MGAT4C: variants seen among roughly 807,000 people sequenced by gnomAD.
MGAT4C encodes the protein MGAT4 family member C.
Under a neutral mutation model 40.1 loss-of-function variants are expected in MGAT4C, and 19 were observed. That is an observed-to-expected ratio of 0.47 (90% CI 0.33 to 0.70). MGAT4C has a LOEUF of 0.70. Ranked by LOEUF, MGAT4C falls within the 30% of genes least tolerant of loss-of-function variation. MGAT4C has a pLI of 0.02. For missense variants in MGAT4C, 491 were observed against 563.2 expected (o/e 0.87, Z 1.30); for synonymous variants, 181 against 187.1 (o/e 0.97, Z 0.27).
intron 1 of MGAT4C, among the ~76,000 whole-genome samples, chr12:86,829,133 T>G (rs1481383327): frequency 6.6e-6 from 1 of 151,480 alleles, no homozygotes; most frequent in Non-Finnish European, 1.5e-5. Context: ...AAATCCCCAT[T>G]CTTAGTTTGC....
chr12:86,768,531 T>G (rs1951561042), intron 1 of MGAT4C, among the ~76,000 whole-genome samples: 1 of 151,692 alleles, frequency 6.6e-6, no homozygotes, highest in African/African-American at 2.4e-5. Context: ...AAAGTTCATA[T>G]GGAACCAAAA....
intron 1 of MGAT4C, among the ~76,000 whole-genome samples, chr12:86,181,875 C>T (rs935596982): frequency 1.3e-5 from 2 of 151,598 alleles, no homozygotes; most frequent in African/African-American, 4.8e-5. Context: ...ATTTTTAAAC[C>T]CTTCTGAACT....
At chr12:86,103,159 G>T (rs1433501160) in intron 1 of MGAT4C, among the ~76,000 whole-genome samples, 1 of 152,104 alleles carries the variant, frequency 6.6e-6, no homozygotes, top group Non-Finnish European at 1.5e-5. Context: ...CAGCTAGGGA[G>T]TTAAATCCCA....
chr12:86,112,175 G>T (rs1382650179), intron 1 of MGAT4C, among the ~76,000 whole-genome samples: 3 of 151,688 alleles, frequency 2.0e-5, no homozygotes, highest in African/African-American at 7.2e-5. Flanking sequence ...ATTGAAGTGA[G>T]ATTCAGGTTT....
At chr12:86,092,857 C>CT (rs764773082) in intron 1 of MGAT4C, among the ~76,000 whole-genome samples, 5 of 151,968 alleles carry the variant, frequency 3.3e-5, no homozygotes, top group East Asian at 1.9e-4. Context: ...CAATCACCCT[C>CT]TTTTTTTTAT....
At chr12:86,213,467 T>G (rs1566157046) in intron 1 of MGAT4C, among the ~76,000 whole-genome samples, 1 of 152,180 alleles carries the variant, frequency 6.6e-6, no homozygotes, top group African/African-American at 2.4e-5. Context: ...TTGAATAAAA[T>G]AGTTTTAAAC....
chr12:86,191,534 G>A (rs1889454699), intron 1 of MGAT4C, among the ~76,000 whole-genome samples: 1 of 150,812 alleles, frequency 6.6e-6, no homozygotes, highest in Non-Finnish European at 1.5e-5. Flanking sequence ...GACAAAGTGG[G>A]TACAGAAAAG....
intron 1 of MGAT4C, among the ~76,000 whole-genome samples, chr12:86,121,896 G>A (rs1442391645): frequency 1.3e-5 from 2 of 152,082 alleles, no homozygotes; most frequent in Non-Finnish European, 1.5e-5. Flanking sequence ...TTTCCCCCAA[G>A]GGTTATACAA....
At chr12:86,067,207 G>A (rs538557266) in intron 1 of MGAT4C, among the ~76,000 whole-genome samples, 5 of 151,910 alleles carry the variant, frequency 3.3e-5, no homozygotes, top group Non-Finnish European at 7.4e-5. Flanking sequence ...CTTATTACTG[G>A]GTATATACCC....
At chr12:86,517,858 C>A (rs1271441029) in intron 2 of MGAT4C, among the ~76,000 whole-genome samples, 1 of 152,134 alleles carries the variant, frequency 6.6e-6, no homozygotes, top group East Asian at 1.9e-4. Context: ...ACCGTATTAG[C>A]CAGATGGTCT....
rs34706902 is a variant in MGAT4C at position 86,796,143 on chromosome 12, GTTT to G, written c.-262+42520_-262+42522del. ...TAACCTTTAAGAATTTCTGTGACTT[GTTT>G]TTTTTTTTTCATGTCTGCTGTCTCA... On this transcript the variant is annotated intron_variant, in intron 1 of 7. Transcript: ENST00000548651. Among the ~76,000 whole-genome samples the G allele has an allele frequency of 6.2e-4, 89 of 143,522 alleles. 1 individual carries two copies. The highest frequency in any genetic ancestry group is 2.2e-3 in the African/African-American group (88 of 39,296). 94.2% of individuals were successfully genotyped at this position (143,522 alleles called of 152,430 possible). A position where few individuals can be genotyped will look rare whatever the true frequency, so the allele number is the denominator to read the frequency against.
At chr12:86,052,369 C>G (rs74405989) in intron 1 of MGAT4C, among the ~76,000 whole-genome samples, 3,663 of 151,590 alleles carry the variant, frequency 0.024, 152 homozygotes, top group African/African-American at 0.084. Flanking sequence ...GATAACAAAA[C>G]CTAACAAGTG....
chr12:86,792,467 A>G (rs1948094517), intron 1 of MGAT4C, among the ~76,000 whole-genome samples: 1 of 152,154 alleles, frequency 6.6e-6, no homozygotes, highest in African/African-American at 2.4e-5. Context: ...ATTTCCTGGT[A>G]TATCCAGCTA....
chr12:86,197,731 A>G (rs1280678300), intron 1 of MGAT4C, among the ~76,000 whole-genome samples: 1 of 152,224 alleles, frequency 6.6e-6, no homozygotes, highest in East Asian at 1.9e-4. Flanking sequence ...GAGAGATGAT[A>G]GCACATTTTT....
chr12:86,755,577 T>C lies in MGAT4C; in HGVS notation c.-261-28336A>G, dbSNP rs140963663. On this transcript the variant is annotated intron_variant, in intron 1 of 7. Transcript: ENST00000548651. ...CTTTTCTCTTTTTCTTTCTTTCTTT[T>C]TTTTTCTTTTCTTTCTCTCTTTCTC... is the stretch of plus-strand genomic sequence containing the variant. Among the ~76,000 whole-genome samples, 408 of 152,094 alleles carry C rather than the reference T, an allele frequency of 2.7e-3. 1 individual carries two copies. Among genetic ancestry groups the C allele is most frequent in the Admixed American group, 5.5e-3 (84 of 15,260 alleles).
Position 86,733,867 on chromosome 12 carries a change from G to T in MGAT4C, c.-261-6626C>A, listed in dbSNP as rs78365068. On this transcript the variant is annotated intron_variant, in intron 1 of 7. Coordinates refer to the MGAT4C transcript ENST00000548651. ...TCTAAGCAAAATGGGAATGTAATTA[G>T]AAGACAATTCTGTTTATGAAAAAAA... Among the ~76,000 whole-genome samples the T allele has an allele frequency of 2.4e-3, 367 of 152,184 alleles. 1 individual carries two copies. The highest frequency in any genetic ancestry group is 7.0e-3 in the African/African-American group (290 of 41,542).
At chr12:86,061,355 C>T (rs980392034) in intron 1 of MGAT4C, among the ~76,000 whole-genome samples, 3 of 152,296 alleles carry the variant, frequency 2.0e-5, no homozygotes, top group Non-Finnish European at 2.9e-5. Context: ...CCATGACTTT[C>T]ACAACCTGCG....
At chr12:86,165,524 T>C (rs564346523) in intron 1 of MGAT4C, among the ~76,000 whole-genome samples, 52 of 152,268 alleles carry the variant, frequency 3.4e-4, no homozygotes, top group African/African-American at 1.1e-3. Context: ...AAGGAAACTG[T>C]TTAGGTGAAG....
intron 3 of MGAT4C, among the ~76,000 whole-genome samples, chr12:86,411,061 G>A (rs1398086344): frequency 1.3e-5 from 2 of 152,108 alleles, no homozygotes; most frequent in South Asian, 4.1e-4. Flanking sequence ...GGAACTGTTA[G>A]CTAATTAAAC....
Sources: allele counts gnomAD v4.1 joint callset (sites outside exome capture counted in the v4.1 genomes callset), GRCh38; gene constraint gnomAD v4.1.1; transcripts MANE v1.5; gene names NCBI Gene and HGNC (gene_info 2026-07-23, HGNC 2026-07-21).